The following C19orf18 variants were observed in gnomAD, a reference collection of about 807,000 sequenced individuals.
The protein encoded by C19orf18 is chromosome 19 open reading frame 18, also known as uncharacterized protein C19orf18.
A neutral mutation model predicts 23.3 loss-of-function variants in C19orf18; 21 were observed. The observed-to-expected ratio is 0.90, with a 90% confidence interval of 0.64 to 1.30. The LOEUF is 1.30. Ranked by LOEUF, C19orf18 falls within the 50% of genes most tolerant of loss-of-function variation. The pLI is 0.00. For missense variants in C19orf18, 249 were observed against 259.6 expected, an observed-to-expected ratio of 0.96 and a Z score of 0.28; for synonymous variants, 96 against 95.2, an observed-to-expected ratio of 1.01 and a Z score of -0.05.
intron 2 of C19orf18, among the ~76,000 whole-genome samples, chr19:57,973,588 G>A (rs1253574053): frequency 6.6e-6 from 1 of 151,958 alleles, no homozygotes; most frequent in African/African-American, 2.4e-5. Flanking sequence ...AGCTTGGCGT[G>A]GTGGCGGGTG....
At chr19:57,964,528 C>G (rs148697762) in intron 4 of C19orf18, among the ~76,000 whole-genome samples, 1 of 152,174 alleles carries the variant, frequency 6.6e-6, no homozygotes, top group Admixed American at 6.5e-5. Context: ...GGGATCCACC[C>G]GCCTCGGCCT....
intron 3 of C19orf18, among the ~76,000 whole-genome samples, chr19:57,967,307 G>A (rs1365443157): frequency 1.3e-5 from 2 of 152,204 alleles, no homozygotes; most frequent in Non-Finnish European, 2.9e-5. Context: ...AGCTCCTGGA[G>A]GAGTCTAAGG....
chr19:57,961,886 CTTTCTCTT>C (rs943130667), intron 4 of C19orf18, among the ~76,000 whole-genome samples: 101 of 149,752 alleles, frequency 6.7e-4, no homozygotes, highest in African/African-American at 2.5e-3. Context: ...TTCTCTTTTT[CTTTCTCTT>C]TTTTTTCCTT....
At chr19:57,964,440 C>G (rs1176589181) in intron 4 of C19orf18, among the ~76,000 whole-genome samples, 1 of 152,150 alleles carries the variant, frequency 6.6e-6, no homozygotes, top group Non-Finnish European at 1.5e-5. Context: ...TGCTACCACA[C>G]CTGGCTAATT....
intron 5 of C19orf18, among the ~76,000 whole-genome samples, chr19:57,960,425 CAAAAAA>C (rs34335308): frequency 3.2e-5 from 3 of 94,180 alleles, no homozygotes; most frequent in Non-Finnish European, 4.6e-5. Flanking sequence ...GACTCCGCCT[CAAAAAA>C]AAAAAAAAAA....
chr19:57,964,372 C>A lies in C19orf18; in HGVS notation c.371+2158G>T, dbSNP rs549509916. ...TCTCAGCTCACTACAACTTCCACCT[C>A]CAGGGCTCAAGCCATCCTCCCACCT... On this transcript the variant is annotated intron_variant, in intron 4 of 5. Transcript: ENST00000314391. 2.0e-5 allele frequency among the ~76,000 whole-genome samples: 3 copies of A among 152,336 alleles called. No homozygotes were observed. In the East Asian group the frequency reaches 5.8e-4, roughly 29 times the overall value.
intron 3 of C19orf18, among the ~76,000 whole-genome samples, chr19:57,967,132 C>T (rs1480353360): frequency 6.6e-6 from 1 of 150,646 alleles, no homozygotes; most frequent in Admixed American, 6.6e-5. Context: ...GGGGATTGGG[C>T]ATCCAAGAGG....
At chr19:57,959,829 G>A (rs2072853178) in intron 5 of C19orf18, among the ~76,000 whole-genome samples, 1 of 148,600 alleles carries the variant, frequency 6.7e-6, no homozygotes, top group African/African-American at 2.5e-5. Flanking sequence ...GAAAAAAAAG[G>A]CCAGGAGCGG....
chr19:57,974,065 C>G (rs1408444793), intron 2 of C19orf18, 34 bp downstream of exon 2: 11 of 1,596,860 alleles, frequency 6.9e-6, no homozygotes, highest in Admixed American at 1.7e-5. Context: ...GGCTACGATT[C>G]TCACTCCACT....
At chr19:57,966,335 CT>C (rs200215529) in intron 4 of C19orf18, among the ~76,000 whole-genome samples, 194 bp downstream of exon 4, 42 of 151,476 alleles carry the variant, frequency 2.8e-4, no homozygotes, top group African/African-American at 7.0e-4. Flanking sequence ...GTCTTTCTTT[CT>C]TTTTTTTTCA....
At chr19:57,964,433 T>A (rs943672800) in intron 4 of C19orf18, among the ~76,000 whole-genome samples, 6 of 152,094 alleles carry the variant, frequency 3.9e-5, no homozygotes, top group African/African-American at 1.4e-4. Flanking sequence ...AGGTGCGTGC[T>A]ACCACACCTG....
intron 3 of C19orf18, among the ~76,000 whole-genome samples, chr19:57,969,879 C>A (rs1435590495): frequency 7.9e-4 from 95 of 121,006 alleles, no homozygotes; most frequent in East Asian, 9.8e-4. Context: ...AACTCCATCT[C>A]AAAAAAAAAA....
chr19:57,965,677 G>A (rs983179298), intron 4 of C19orf18, among the ~76,000 whole-genome samples: 6 of 152,118 alleles, frequency 3.9e-5, no homozygotes, highest in Admixed American at 2.6e-4. Flanking sequence ...GAACCCAGGA[G>A]GCAGAGGTTG....
chr19:57,963,897 AT>A (rs1270042984), intron 4 of C19orf18, among the ~76,000 whole-genome samples: 1 of 152,192 alleles, frequency 6.6e-6, no homozygotes, highest in Non-Finnish European at 1.5e-5. Flanking sequence ...CTCTAAAAAA[AT>A]AAAAATAAAA....
At chr19:57,969,580 A>AAAAAAAAAAAAAAAAAAC in intron 3 of C19orf18, among the ~76,000 whole-genome samples, 1 of 133,838 alleles carries the variant, frequency 7.5e-6, no homozygotes, top group Non-Finnish European at 1.7e-5. Flanking sequence ...AAAAAAAAAA[A>AAAAAAAAAAAAAAAAAAC]AAAAAAAAAA....
chr19:57,960,934 C>T (rs1205408132), intron 5 of C19orf18, among the ~76,000 whole-genome samples: 2 of 152,144 alleles, frequency 1.3e-5, no homozygotes, highest in South Asian at 2.1e-4. Flanking sequence ...AATCCCAGCA[C>T]TTTGGGAGGC....
intron 4 of C19orf18, among the ~76,000 whole-genome samples, chr19:57,962,133 CAGTCTT>C (rs55983604): frequency 0.27 from 40,485 of 151,540 alleles, 5,860 homozygotes; most frequent in African/African-American, 0.38. Flanking sequence ...TGGGTTCAAA[CAGTCTT>C]ACCTGCTCAG....
At chr19:57,974,273 A>G in intron 1 of C19orf18, 39 bp downstream of exon 1, 1 of 1,613,646 alleles carries the variant, frequency 6.2e-7, no homozygotes, top group East Asian at 2.2e-5. Flanking sequence ...CAGCTTTTCA[A>G]TTCTCCCTGA....
intron 3 of C19orf18, among the ~76,000 whole-genome samples, chr19:57,968,170 C>T (rs1259400305): frequency 2.6e-5 from 4 of 152,238 alleles, no homozygotes; most frequent in African/African-American, 7.2e-5. Context: ...TGTGTCCTCA[C>T]AGGGTGGAAG....
Sources: gnomAD v4.1 joint callset for allele counts (sites outside exome capture counted in the v4.1 genomes callset) on GRCh38, gnomAD v4.1.1 for gene constraint, MANE v1.5 for transcripts, NCBI Gene and HGNC (gene_info 2026-07-23, HGNC 2026-07-21) for gene names.